The following PLCH2 variants were observed in gnomAD, a reference collection of about 807,000 sequenced individuals.
PLCH2 encodes the protein phospholipase C eta 2, also known as 1-phosphatidylinositol 4,5-bisphosphate phosphodiesterase eta-2.
A neutral mutation model predicts 134.7 loss-of-function variants in PLCH2; 98 were observed. The ratio of observed to expected loss-of-function variants is 0.73; its 90% CI spans 0.62 to 0.86. PLCH2 has a LOEUF of 0.86. PLCH2 is among the 40% of genes least tolerant of loss of function. The pLI is 0.00. For missense variants in PLCH2, 1,994 were observed against 1,986.6 expected (o/e 1.00, Z -0.07); for synonymous variants, 974 against 827.5 (o/e 1.18, Z -3.04).
At chr1:2,467,796 T>G in intron 1 of PLCH2, 1 of 398,158 alleles carries the variant, frequency 2.5e-6, no homozygotes. Context: ...CCGTGGGCAG[T>G]GCAGAGCTCC....
At position 2,499,118 on chromosome 1, in the gene PLCH2, C is replaced by T. The variant is rs765962927; in HGVS notation, c.2469C>T (p.Phe823=). The change falls in exon 19 of 22, where the codon TTC becomes TTT. Residue 823 remains phenylalanine (F), a synonymous_variant. Coordinates refer to ENST00000378486, the MANE Select transcript of PLCH2 (RefSeq NM_014638.4). ...CCACCTGGGAGGAGACCCTGGTTTTCATGGTGCACATGCCGGAGATCGCGC... is the reference window on the plus strand; with the variant it reads ...CCACCTGGGAGGAGACCCTGGTTTTTATGGTGCACATGCCGGAGATCGCGC... The part of the protein sequence containing the change: ...FNPTWEETLV[F]MVHMPEIALV... The T allele has an allele frequency of 1.9e-6, 3 of 1,612,232 alleles. No homozygotes were observed. The highest frequency in any genetic ancestry group is 2.5e-6 in the Non-Finnish European group (3 of 1,179,442).
At chr1:2,496,475 G>A (rs765962458) in intron 13 of PLCH2, 132 bp from the exon 14 acceptor site, 49 of 752,326 alleles carry the variant, frequency 6.5e-5, no homozygotes, top group Middle Eastern at 3.7e-4. Context: ...CCAGTCTGGC[G>A]TCCGTCTCTG....
chr1:2,460,227 G>A (rs1345577674), intron 2 of PLCH2, among the ~76,000 whole-genome samples: 1 of 152,256 alleles, frequency 6.6e-6, no homozygotes, highest in Non-Finnish European at 1.5e-5. Context: ...CTTTTCTAAG[G>A]CCATGCTGCC....
At chr1:2,428,672 C>T (rs1266858924) in intron 1 of PLCH2, among the ~76,000 whole-genome samples, 1 of 152,266 alleles carries the variant, frequency 6.6e-6, no homozygotes, top group African/African-American at 2.4e-5. Flanking sequence ...GGCACGGCTC[C>T]TGCACTCCCA....
the PLCH2 span, among the ~76,000 whole-genome samples, chr1:2,417,419 C>T: frequency 4.1e-5 from 6 of 147,178 alleles, no homozygotes; most frequent in Non-Finnish European, 7.6e-5. Flanking sequence ...CCCTGCCCAG[C>T]TTCCCAGCCT....
upstream of PLCH2, among the ~76,000 whole-genome samples, chr1:2,424,802 A>T (rs779762675): frequency 5.3e-5 from 8 of 152,230 alleles, 1 homozygote; most frequent in African/African-American, 7.2e-5. Flanking sequence ...CCTGGCTAAC[A>T]CAGTGAAACC....
At chr1:2,502,456 G>A in intron 21 of PLCH2, 47 bp downstream of exon 21, 2 of 1,519,232 alleles carry the variant, frequency 1.3e-6, no homozygotes, top group African/African-American at 1.4e-5. Context: ...TGCGAGTGCG[G>A]CCCCCGCGTG....
In PLCH2 at chr1:2,459,499, TCCTTCCTGGTGGTC is replaced by T. The variant is rs1373902994; in HGVS notation, c.116-18975_116-18962del. Among the ~76,000 whole-genome samples the T allele has an allele frequency of 9.8e-5, 8 of 82,016 alleles. 3 individuals carry two copies. Among genetic ancestry groups the T allele is most frequent in the Non-Finnish European group, 2.2e-4 (8 of 35,874 alleles). 53.8% of individuals were successfully genotyped at this position (82,016 alleles called of 152,430 possible). ...TGGTGGTCCTCCTTCCTGGTGGTCC[TCCTTCCTGGTGGTC>T]CTCCTTCCTGGTGGTCCTCCTTCCT... On this transcript the variant is annotated intron_variant, in intron 2 of 3. Coordinates refer to the PLCH2 transcript ENST00000609981.
intron 2 of PLCH2, among the ~76,000 whole-genome samples, chr1:2,452,743 C>T (rs930541381): frequency 6.6e-6 from 1 of 152,232 alleles, no homozygotes; most frequent in African/African-American, 2.4e-5. Context: ...GGCGCCTGGC[C>T]ACCCAGTCAG....
chr1:2,494,638 C>T lies in PLCH2; in HGVS notation c.1660-218C>T, dbSNP rs189901610. On this transcript the variant is annotated intron_variant, in intron 11 of 21. Coordinates refer to ENST00000378486, the MANE Select transcript of PLCH2 (RefSeq NM_014638.4). The stretch of plus-strand genomic sequence containing the variant: ...GCCTGACTTTCAGGCCGCTTCTCCT[C>T]GGCAGCTGCCTCTGCCCCAGGGTGG... 2.9e-3 allele frequency among the ~76,000 whole-genome samples: 437 copies of T among 152,312 alleles called. 1 individual carries two copies. The highest frequency in any genetic ancestry group is 5.6e-3 in the Admixed American group (85 of 15,310).
At chr1:2,461,692 T>C (rs1640809991) in intron 2 of PLCH2, among the ~76,000 whole-genome samples, 1 of 152,112 alleles carries the variant, frequency 6.6e-6, no homozygotes, top group African/African-American at 2.4e-5. Flanking sequence ...AATCCAGCTG[T>C]TTCTTGCTCT....
At chr1:2,468,382 C>T (rs986762632) in intron 1 of PLCH2, among the ~76,000 whole-genome samples, 2 of 152,250 alleles carry the variant, frequency 1.3e-5, no homozygotes, top group East Asian at 1.9e-4. Flanking sequence ...GCAGACAGAG[C>T]GGAGCAGCAG....
At chr1:2,483,084 G>A (rs543372610) in intron 4 of PLCH2, among the ~76,000 whole-genome samples, 2 of 152,334 alleles carry the variant, frequency 1.3e-5, no homozygotes, top group East Asian at 1.9e-4. Context: ...CCCAAATCAC[G>A]AAGCCTCTAG....
rs538736406 is a variant in PLCH2, at chr1:2,467,781, A to AC, written c.43+125dup. ...GGACCTGTTCACTGGTGACCCACTG[A>AC]CCCCCCGTGGGCAGTGCAGAGCTCC... On this transcript the variant is annotated intron_variant, in intron 1 of 21. Transcript: ENST00000449969. The AC allele has an allele frequency of 2.5e-5, 10 of 397,986 alleles. No individual in the cohort carries two copies. The South Asian group carries it at 1.3e-3, about 51-fold the overall frequency. 24.7% of individuals were successfully genotyped at this position (397,986 alleles called of 1,614,324 possible).
chr1:2,484,859 G>A (rs373823502), intron 5 of PLCH2, among the ~76,000 whole-genome samples: 31 of 152,276 alleles, frequency 2.0e-4, no homozygotes, highest in African/African-American at 6.7e-4. Context: ...TACAGGGTGC[G>A]CTCTATGGGG....
At chr1:2,456,840 G>T (rs1640521217) in intron 2 of PLCH2, among the ~76,000 whole-genome samples, 1 of 152,166 alleles carries the variant, frequency 6.6e-6, no homozygotes, top group Non-Finnish European at 1.5e-5. Context: ...CAGCGGAGGG[G>T]CCCGTGCTGG....
chr1:2,434,846 G>A (rs1383848503), intron 2 of PLCH2, among the ~76,000 whole-genome samples: 2 of 152,234 alleles, frequency 1.3e-5, no homozygotes, highest in East Asian at 3.8e-4. Context: ...ACCACCCCCG[G>A]GCAGAATCAG....
Position 2,505,400 on chromosome 1 carries a change from C to A in PLCH2, c.*187C>A. 1 of 576,312 alleles carries A rather than the reference C, an allele frequency of 1.7e-6. No homozygotes were observed. Among genetic ancestry groups the A allele is most frequent in the Non-Finnish European group, 3.0e-6 (1 of 330,504 alleles). 35.7% of individuals were successfully genotyped at this position (576,312 alleles called of 1,614,324 possible). On this transcript the variant is annotated 3_prime_UTR_variant, in exon 22 of 22. Transcript: ENST00000378486. ...AAAGGCTAAAGCTGCTGGCCCGGGG[C>A]CCACAGGAGGGGCTTCGAGGCTGGC... is the stretch of plus-strand genomic sequence containing the variant.
At chr1:2,442,251 G>A (rs1280237678) in intron 2 of PLCH2, among the ~76,000 whole-genome samples, 1 of 152,180 alleles carries the variant, frequency 6.6e-6, no homozygotes, top group African/African-American at 2.4e-5. Context: ...TGGGGAAACT[G>A]AGGTCTGGAG....
Sources: gnomAD v4.1 joint callset for allele counts (sites outside exome capture counted in the v4.1 genomes callset) on GRCh38, gnomAD v4.1.1 for gene constraint, MANE v1.5 for transcripts, NCBI Gene and HGNC (gene_info 2026-07-23, HGNC 2026-07-21) for gene names.